SLC24A2: variants seen among roughly 807,000 people sequenced by gnomAD.
SLC24A2 encodes the protein solute carrier family 24 member 2, also known as sodium/potassium/calcium exchanger 2.
SLC24A2 carries 36 observed loss-of-function variants against 62.0 expected under a neutral mutation model. The observed-to-expected ratio is 0.58, with a 90% CI of 0.44 to 0.77. The LOEUF is 0.77. Among genes scored for constraint, SLC24A2 ranks in the 30% least tolerant of loss-of-function variants. The pLI, the probability that SLC24A2 is intolerant of heterozygous loss-of-function variation, is 0.00. For synonymous variants in SLC24A2, 358 were observed against 294.0 expected (o/e 1.22, Z -2.23); for missense variants, 846 against 817.9 (o/e 1.03, Z -0.42).
the SLC24A2 span, among the ~76,000 whole-genome samples, chr9:19,827,298 C>CGTAA: frequency 6.6e-6 from 1 of 152,090 alleles, no homozygotes; most frequent in African/African-American, 2.4e-5. Flanking sequence ...GAGCTGTTTA[C>CGTAA]CTCCACTCCC....
the SLC24A2 span, among the ~76,000 whole-genome samples, chr9:20,224,163 C>T: frequency 0.12 from 18,037 of 151,836 alleles, 2,306 homozygotes; most frequent in East Asian, 0.61. Context: ...GGACACAGAG[C>T]CAAACAATAC....
the SLC24A2 span, among the ~76,000 whole-genome samples, chr9:20,051,598 A>G: frequency 6.7e-6 from 1 of 149,298 alleles, no homozygotes; most frequent in Non-Finnish European, 1.5e-5. Context: ...TGAGCCATAA[A>G]TTAAGACAAA....
chr9:19,537,886 T>G, intron 8 of SLC24A2, among the ~76,000 whole-genome samples: 1 of 13,444 alleles, frequency 7.4e-5, no homozygotes, highest in Non-Finnish European at 1.1e-4. Flanking sequence ...CCTTGAGCAG[T>G]GGTTTGTAGT....
At chr9:19,959,018 T>C in the SLC24A2 span, among the ~76,000 whole-genome samples, 2 of 152,206 alleles carry the variant, frequency 1.3e-5, no homozygotes, top group Admixed American at 6.5e-5. Context: ...AGCAAAGCTA[T>C]AGCAACCAGT....
At chr9:19,723,158 T>C (rs1821077714) in intron 2 of SLC24A2, among the ~76,000 whole-genome samples, 1 of 152,160 alleles carries the variant, frequency 6.6e-6, no homozygotes, top group Non-Finnish European at 1.5e-5. Flanking sequence ...ATATTGTTTT[T>C]CAATGACAGA....
At chr9:20,174,449 T>C in the SLC24A2 span, among the ~76,000 whole-genome samples, 1 of 151,810 alleles carries the variant, frequency 6.6e-6, no homozygotes, top group Non-Finnish European at 1.5e-5. Context: ...CTTCACAATC[T>C]ATACATCTGA....
chr9:20,009,009 G>A, the SLC24A2 span, among the ~76,000 whole-genome samples: 6 of 152,118 alleles, frequency 3.9e-5, no homozygotes, highest in Non-Finnish European at 8.8e-5. Flanking sequence ...ACTGAAAAAA[G>A]CTATGATTCA....
At chr9:20,206,960 CTTATGCCA>C in the SLC24A2 span, among the ~76,000 whole-genome samples, 3 of 151,728 alleles carry the variant, frequency 2.0e-5, no homozygotes, top group Non-Finnish European at 4.4e-5. Flanking sequence ...GAACTGTTGA[CTTATGCCA>C]TTATGCCATT....
At chr9:19,732,523 T>A (rs1821370674) in intron 2 of SLC24A2, among the ~76,000 whole-genome samples, 1 of 152,228 alleles carries the variant, frequency 6.6e-6, no homozygotes. Context: ...GGGCACAGTG[T>A]GATGTTGTGA....
chr9:19,681,437 A>G (rs1290737377), intron 2 of SLC24A2, among the ~76,000 whole-genome samples: 1 of 151,646 alleles, frequency 6.6e-6, no homozygotes, highest in African/African-American at 2.4e-5. Context: ...ATCCTATCTC[A>G]TTTACTTATT....
the SLC24A2 span, among the ~76,000 whole-genome samples, chr9:20,264,789 T>C: frequency 1.9e-4 from 29 of 152,180 alleles, no homozygotes; most frequent in Non-Finnish European, 3.1e-4. Context: ...CCTAAAGGAG[T>C]TAGGCAAGTT....
At chr9:19,528,702 C>A (rs529983747) in intron 8 of SLC24A2, among the ~76,000 whole-genome samples, 2 of 152,244 alleles carry the variant, frequency 1.3e-5, no homozygotes, top group Admixed American at 6.5e-5. Context: ...GCCACCACCA[C>A]AACTTTTATA....
At chr9:20,234,690 G>C in the SLC24A2 span, among the ~76,000 whole-genome samples, 4 of 152,016 alleles carry the variant, frequency 2.6e-5, no homozygotes, top group African/African-American at 9.7e-5. Flanking sequence ...CTGTAGCTCA[G>C]AGTAGTTTGA....
the SLC24A2 span, among the ~76,000 whole-genome samples, chr9:19,838,206 G>C: frequency 6.6e-6 from 1 of 152,112 alleles, no homozygotes; most frequent in Non-Finnish European, 1.5e-5. Flanking sequence ...GCATGGAACT[G>C]GTACCAAAAC....
the SLC24A2 span, among the ~76,000 whole-genome samples, chr9:20,027,378 A>T: frequency 6.6e-6 from 1 of 152,238 alleles, no homozygotes; most frequent in African/African-American, 2.4e-5. Context: ...TATTCACAAT[A>T]GCCAAAATAT....
the SLC24A2 span, among the ~76,000 whole-genome samples, chr9:20,145,621 G>A: frequency 6.0e-4 from 4 of 6,636 alleles, no homozygotes; most frequent in Non-Finnish European, 7.8e-4. Context: ...GTGTGTGTGT[G>A]CACGTGTGCA....
chr9:20,302,810 T>A, the SLC24A2 span, among the ~76,000 whole-genome samples: 2 of 152,240 alleles, frequency 1.3e-5, no homozygotes, highest in East Asian at 3.8e-4. Context: ...TTGCCAAGGA[T>A]GATACCACTG....
the SLC24A2 span, among the ~76,000 whole-genome samples, chr9:20,129,489 T>A: frequency 6.6e-6 from 1 of 152,076 alleles, no homozygotes; most frequent in African/African-American, 2.4e-5. Context: ...AATATTCACA[T>A]AGCACTATTT....
chr9:20,185,022 T>C, the SLC24A2 span, among the ~76,000 whole-genome samples: 1 of 152,056 alleles, frequency 6.6e-6, no homozygotes, highest in Non-Finnish European at 1.5e-5. Context: ...ATGATCTCAC[T>C]TACATATGAA....
Sources: gnomAD v4.1 joint callset for allele counts (sites outside exome capture counted in the v4.1 genomes callset) on GRCh38, gnomAD v4.1.1 for gene constraint, MANE v1.5 for transcripts, NCBI Gene and HGNC (gene_info 2026-07-23, HGNC 2026-07-21) for gene names.